The following ITFG2 variants were observed in gnomAD, a reference collection of about 807,000 sequenced individuals.
ITFG2 encodes integrin alpha FG-GAP repeat containing 2.
A neutral mutation model predicts 54.4 loss-of-function variants in ITFG2; 36 were observed. The observed-to-expected ratio is 0.66, with a 90% confidence interval of 0.51 to 0.87. ITFG2 has a LOEUF of 0.87. ITFG2 is among the 40% of genes least tolerant of loss of function. The pLI is 0.00. For synonymous variants in ITFG2, 211 were observed against 225.4 expected (o/e 0.94, Z 0.57); for missense variants, 524 against 576.7 (o/e 0.91, Z 0.94).
At chr12:2,827,790 T>C, downstream of ITFG2, 1 of 1,604,980 alleles carries the variant, frequency 6.2e-7, no homozygotes, top group Non-Finnish European at 8.5e-7. This position sits in a 1 kb window ranked among gnomAD's most constrained non-coding sequence, Gnocchi z 4.0. Context: ...CCGAGGACAC[T>C]GGCACAGAGA....
chr12:2,815,312 G>A (rs557462320), intron 1 of ITFG2, among the ~76,000 whole-genome samples: 1 of 152,342 alleles, frequency 6.6e-6, no homozygotes, highest in East Asian at 1.9e-4. Context: ...TCATAAAGCA[G>A]TTTGCGGAAG....
rs975434649 is a variant in ITFG2 at position 2,854,921 on chromosome 12, T to A, written n.301-3091T>A. 4 of 1,535,396 alleles carry A rather than the reference T, an allele frequency of 2.6e-6. No individual in the cohort carries two copies. The African/African-American group carries it at 5.5e-5, about 21-fold the overall frequency. On this transcript the variant is annotated intron_variant and non_coding_transcript_variant, in intron 2 of 3. Transcript: ENST00000537710. ...TTCTTGAAGCTCGCTGGCGGCTGGA[T>A]GTTGCCCTGGGCATCGAGTGGGGGT... is the stretch of plus-strand genomic sequence containing the variant.
chr12:2,819,455 G>A (rs926192093), intron 4 of ITFG2, among the ~76,000 whole-genome samples: 3 of 151,056 alleles, frequency 2.0e-5, no homozygotes, highest in Non-Finnish European at 4.4e-5. Flanking sequence ...GCGAGAGAGC[G>A]AGACTCCGTC....
chr12:2,818,837 G>A (rs2097931232), intron 4 of ITFG2, among the ~76,000 whole-genome samples: 2 of 152,100 alleles, frequency 1.3e-5, no homozygotes, highest in African/African-American at 4.8e-5. Flanking sequence ...GGCCCACACG[G>A]TGAAACTCTG....
At chr12:2,854,685 C>G (rs1262627719) in intron 2 of ITFG2, among the ~76,000 whole-genome samples, 1 of 152,128 alleles carries the variant, frequency 6.6e-6, no homozygotes, top group African/African-American at 2.4e-5. Flanking sequence ...GCATAGCTGT[C>G]CCCCAGATTT....
intron 2 of ITFG2, among the ~76,000 whole-genome samples, chr12:2,848,055 A>G (rs906567811): frequency 2.6e-5 from 4 of 152,200 alleles, no homozygotes; most frequent in African/African-American, 7.2e-5. Context: ...AATGGTCCCC[A>G]TTGTGCAGGT....
rs565413873 is a variant in ITFG2 at position 2,818,218 on chromosome 12, G to T, written c.347G>T (p.Arg116Leu). 5.0e-6 allele frequency: 8 copies of T among 1,613,838 alleles called. No individual in the cohort carries two copies. The African/African-American group carries it at 1.1e-4, about 22-fold the overall frequency. Reference sequence around the variant, plus strand: ...GAGACACTAATCGGAGAGGAGCAGCGTCCAGTCTTCAAGCAGCACATCCCT... The same window carrying T: ...GAGACACTAATCGGAGAGGAGCAGCTTCCAGTCTTCAAGCAGCACATCCCT... The part of the protein sequence containing the change: ...HHETLIGEEQ[R>L]PVFKQHIPAN... The change falls in exon 4 of 12, where the codon CGT becomes CTT. Residue 116 changes from arginine to leucine, a missense_variant. Coordinates refer to ENST00000228799, the MANE Select transcript of ITFG2 (RefSeq NM_018463.4).
intron 10 of ITFG2, among the ~76,000 whole-genome samples, chr12:2,823,435 C>T (rs1056981827): frequency 2.0e-5 from 3 of 152,174 alleles, no homozygotes; most frequent in Non-Finnish European, 4.4e-5. Flanking sequence ...ACTTTCTGAT[C>T]GTGTTTTGCT....
chr12:2,848,710 C>G (rs2098060023), intron 2 of ITFG2, among the ~76,000 whole-genome samples: 1 of 152,210 alleles, frequency 6.6e-6, no homozygotes, highest in Non-Finnish European at 1.5e-5. Flanking sequence ...GTCCAGACAT[C>G]AAATGGTCCA....
intron 2 of ITFG2, chr12:2,855,336 G>A (rs760686425): frequency 5.9e-6 from 9 of 1,532,258 alleles, no homozygotes; most frequent in Admixed American, 3.9e-5. Context: ...GAGCCAGCTG[G>A]TGGTAGGCTT....
upstream of ITFG2, among the ~76,000 whole-genome samples, chr12:2,833,247 A>G (rs886822666): frequency 6.6e-5 from 10 of 152,080 alleles, no homozygotes; most frequent in African/African-American, 2.2e-4. Context: ...GGCCAAACAC[A>G]TGTAGGATGG....
chr12:2,819,955 A>G (rs1028064349), intron 4 of ITFG2, 131 bp from the exon 5 acceptor site: 14 of 1,185,042 alleles, frequency 1.2e-5, no homozygotes, highest in African/African-American at 7.7e-5. Context: ...GGGCGGGGGC[A>G]GACTGAGGGT....
rs756360579 is a variant in ITFG2 at position 2,820,261 on chromosome 12, AGCTGG to A, written c.546+38_546+42del. On this transcript the variant is annotated intron_variant, in intron 5 of 11. Transcript: ENST00000228799. Reference sequence around the variant, plus strand: ...GACTCTGGGGAACAAGGCCCCAGGGAGCTGGGAGGAAGGTCTCCTGGAGGAGGTAG... The same window carrying A: ...GACTCTGGGGAACAAGGCCCCAGGGAGAGGAAGGTCTCCTGGAGGAGGTAG... 6.7e-5 allele frequency: 103 copies of A among 1,532,278 alleles called. 1 individual carries two copies. In the South Asian group the frequency reaches 1.3e-3, roughly 19 times the overall value. 94.9% of individuals were successfully genotyped at this position (1,532,278 alleles called of 1,614,324 possible).
chr12:2,817,439 A>G, intron 2 of ITFG2, 121 bp downstream of exon 2: 2 of 663,736 alleles, frequency 3.0e-6, no homozygotes. Context: ...TACTGGGCCC[A>G]GCCACTGACT....
chr12:2,816,407 G>A (rs1024156375), intron 1 of ITFG2, among the ~76,000 whole-genome samples: 9 of 146,612 alleles, frequency 6.1e-5, no homozygotes, highest in Non-Finnish European at 1.5e-5. Context: ...TTGGCTCACT[G>A]CAAGCTCTGC....
chr12:2,828,534 G>T, downstream of ITFG2: 2 of 825,822 alleles, frequency 2.4e-6, no homozygotes, highest in Non-Finnish European at 4.0e-6. Context: ...AAAATGAACT[G>T]TCTTTAAAAC....
chr12:2,814,371 T>G (rs2097916609), intron 1 of ITFG2, among the ~76,000 whole-genome samples: 1 of 152,238 alleles, frequency 6.6e-6, no homozygotes, highest in Non-Finnish European at 1.5e-5. Flanking sequence ...TTTTTTGAAA[T>G]TGTACTTATC....
chr12:2,849,001 A>C (rs1005889255), intron 2 of ITFG2: 5 of 534,760 alleles, frequency 9.3e-6, no homozygotes, highest in African/African-American at 3.8e-5. Flanking sequence ...CAGTCCTCCC[A>C]CCTTCGATGA....
intron 2 of ITFG2, among the ~76,000 whole-genome samples, chr12:2,853,968 C>T (rs1038481525): frequency 1.3e-5 from 2 of 152,300 alleles, no homozygotes; most frequent in Middle Eastern, 3.4e-3. Flanking sequence ...CGGGGACACT[C>T]CAGGTCGCTG....
Sources: gnomAD v4.1 joint callset for allele counts (sites outside exome capture counted in the v4.1 genomes callset) on GRCh38, gnomAD v4.1.1 for gene constraint, Gnocchi (gnomAD v3.1) non-coding constraint, MANE v1.5 for transcripts, NCBI Gene and HGNC (gene_info 2026-07-23, HGNC 2026-07-21) for gene names.